Variants in GRIA2 observed in about 807,000 individuals in gnomAD.
The protein encoded by GRIA2 is glutamate receptor 2.
GRIA2 carries 14 observed loss-of-function variants against 97.3 expected under a neutral mutation model. That is an observed-to-expected ratio of 0.14 (90% CI 0.10 to 0.23). The LOEUF (loss-of-function observed/expected upper bound fraction) is 0.23, where lower values mean the gene tolerates loss of function less well. Among genes scored for constraint, GRIA2 ranks in the 10% least tolerant of loss-of-function variants. GRIA2 has a pLI of 1.00. For missense variants in GRIA2, 558 were observed against 1,069.8 expected (o/e 0.52, Z 6.67); for synonymous variants, 412 against 387.8 (o/e 1.06, Z -0.73).
At chr4:157,303,274 T>C (rs944728209) in intron 2 of GRIA2, among the ~76,000 whole-genome samples, 1 of 152,220 alleles carries the variant, frequency 6.6e-6, no homozygotes, top group African/African-American at 2.4e-5. Context: ...TTCATATTTG[T>C]TCCTAAAATA....
In GRIA2 at chr4:157,327,125, G is replaced by A. The variant is rs572577515; in HGVS notation, c.882+5526G>A. On this transcript the variant is annotated intron_variant, in intron 6 of 15. Transcript: ENST00000264426. The stretch of plus-strand genomic sequence containing the variant: ...TAGGTAATATACTGATATAAATTCA[G>A]TCAAGAGATATTTGTGGGTTAGAAA... Among the ~76,000 whole-genome samples, 43 of 152,232 alleles carry A rather than the reference G, an allele frequency of 2.8e-4. 1 individual carries two copies. The highest frequency in any genetic ancestry group is 3.4e-3 in the Middle Eastern group (1 of 294).
intron 12 of GRIA2, among the ~76,000 whole-genome samples, chr4:157,357,959 C>A (rs559635657): frequency 1.3e-4 from 20 of 152,112 alleles, no homozygotes; most frequent in African/African-American, 3.9e-4. Context: ...TATTTTAATG[C>A]CTCAAAATTG....
At chr4:157,298,480 T>G (rs996211092) in intron 2 of GRIA2, among the ~76,000 whole-genome samples, 4 of 151,928 alleles carry the variant, frequency 2.6e-5, no homozygotes, top group African/African-American at 4.8e-5. Flanking sequence ...AATAAACACA[T>G]AGATATGGTT....
chr4:157,352,503 G>C (rs977656314), intron 12 of GRIA2, among the ~76,000 whole-genome samples: 18 of 151,630 alleles, frequency 1.2e-4, no homozygotes, highest in African/African-American at 4.4e-4. Context: ...GGATCACGAG[G>C]TCAGGAGTTC....
chr4:157,277,900 A>G (rs536600617), intron 2 of GRIA2, among the ~76,000 whole-genome samples: 2 of 140,754 alleles, frequency 1.4e-5, no homozygotes, highest in Admixed American at 7.2e-5. Context: ...GTATATATAT[A>G]TGTATATATG....
intron 2 of GRIA2, among the ~76,000 whole-genome samples, chr4:157,254,716 T>C (rs922207038): frequency 1.3e-4 from 20 of 152,064 alleles, no homozygotes; most frequent in Non-Finnish European, 2.5e-4. Context: ...CTTAATCAAA[T>C]GTGTGTATTT....
At chr4:157,354,011 A>G (rs1736137278) in intron 12 of GRIA2, among the ~76,000 whole-genome samples, 1 of 152,108 alleles carries the variant, frequency 6.6e-6, no homozygotes, top group African/African-American at 2.4e-5. Context: ...TACCTCATGC[A>G]TCTGATTTTA....
rs116051352 is a variant in GRIA2 at position 157,279,833 on chromosome 4, C to T, written c.230-23719C>T. 5.0e-3 allele frequency among the ~76,000 whole-genome samples: 760 copies of T among 152,212 alleles called. 5 individuals are homozygous for T. The highest frequency in any genetic ancestry group is 0.017 in the African/African-American group (719 of 41,552). On this transcript the variant is annotated intron_variant, in intron 2 of 15. Coordinates refer to ENST00000264426, the MANE Select transcript of GRIA2 (RefSeq NM_001083619.3). The stretch of plus-strand genomic sequence containing the variant: ...GAATAATCTCTTCTATTATTAAAAA[C>T]ATATGACTCGCCTGGGCGTGGTGGC...
chr4:157,260,227 C>G (rs1276297205), intron 2 of GRIA2, among the ~76,000 whole-genome samples: 2 of 152,082 alleles, frequency 1.3e-5, no homozygotes, highest in Non-Finnish European at 2.9e-5. Context: ...TTCATTCTCT[C>G]TCTCCCAGAC....
intron 5 of GRIA2, among the ~76,000 whole-genome samples, chr4:157,318,826 A>C (rs183030407): frequency 2.0e-5 from 3 of 152,178 alleles, no homozygotes; most frequent in African/African-American, 7.2e-5. Flanking sequence ...AAATAGCATA[A>C]TAGGACTTTG....
At chr4:157,235,591 T>A (rs905843303) in intron 2 of GRIA2, among the ~76,000 whole-genome samples, 1 of 152,092 alleles carries the variant, frequency 6.6e-6, no homozygotes, top group Non-Finnish European at 1.5e-5. Flanking sequence ...TCTTAAATAC[T>A]GATTTAGAAT....
intron 2 of GRIA2, among the ~76,000 whole-genome samples, chr4:157,262,234 A>G (rs1373483687): frequency 6.6e-6 from 1 of 152,066 alleles, no homozygotes; most frequent in Non-Finnish European, 1.5e-5. Context: ...AAGGAGACTT[A>G]ATAAGCTTAT....
intron 2 of GRIA2, among the ~76,000 whole-genome samples, chr4:157,225,198 T>C (rs1039545022): frequency 2.6e-5 from 4 of 152,066 alleles, no homozygotes; most frequent in Non-Finnish European, 5.9e-5. Context: ...TGTGTGCATC[T>C]TACTGAGCTC....
intron 2 of GRIA2, among the ~76,000 whole-genome samples, chr4:157,246,893 T>TGTCCATTTTCA (rs1730756474): frequency 6.6e-6 from 1 of 152,178 alleles, no homozygotes; most frequent in South Asian, 2.1e-4. Flanking sequence ...TTTCATTTTC[T>TGTCCATTTTCA]GTCCATTTTC....
intron 12 of GRIA2, among the ~76,000 whole-genome samples, chr4:157,347,943 G>T (rs1160350983): frequency 6.6e-6 from 1 of 152,046 alleles, no homozygotes; most frequent in African/African-American, 2.4e-5. Context: ...GGCCAACATG[G>T]TGAAAGCCCA....
At chr4:157,342,048 G>A in intron 12 of GRIA2, 6 of 773,072 alleles carry the variant, frequency 7.8e-6, no homozygotes, top group Non-Finnish European at 9.4e-6. Flanking sequence ...TTGTTCTTAT[G>A]CTCTGTTTAT....
intron 5 of GRIA2, among the ~76,000 whole-genome samples, 196 bp downstream of exon 5, chr4:157,317,907 C>T (rs1466864328): frequency 2.0e-5 from 3 of 151,934 alleles, no homozygotes; most frequent in Non-Finnish European, 2.9e-5. Flanking sequence ...ATCCAGAAGG[C>T]GGAGGTTGCA....
chr4:157,336,271 T>C, intron 10 of GRIA2, 106 bp from the exon 11 acceptor site: 1 of 941,794 alleles, frequency 1.1e-6, no homozygotes, highest in East Asian at 2.4e-5. Flanking sequence ...AAAATTATTG[T>C]CATTTTTCTG....
intron 2 of GRIA2, among the ~76,000 whole-genome samples, chr4:157,303,090 G>T (rs1470939716): frequency 6.6e-6 from 1 of 152,076 alleles, no homozygotes; most frequent in Non-Finnish European, 1.5e-5. Flanking sequence ...AGAGGTTTTG[G>T]TCAGCATTTG....
Sources: gnomAD v4.1 joint callset for allele counts (sites outside exome capture counted in the v4.1 genomes callset) on GRCh38, gnomAD v4.1.1 for gene constraint, MANE v1.5 for transcripts, NCBI Gene and HGNC (gene_info 2026-07-23, HGNC 2026-07-21) for gene names.